Variants in GRIN2B observed in about 807,000 individuals in gnomAD.
GRIN2B encodes the protein glutamate ionotropic receptor NMDA type subunit 2B.
A neutral mutation model predicts 114.5 loss-of-function variants in GRIN2B; 5 were observed. The ratio of observed to expected loss-of-function variants is 0.04; its 90% CI spans 0.02 to 0.09. GRIN2B has a LOEUF of 0.09. Among genes scored for constraint, GRIN2B ranks in the 10% least tolerant of loss-of-function variants. The pLI is 1.00. For synonymous variants in GRIN2B, 787 were observed against 745.1 expected (o/e 1.06, Z -0.92); for missense variants, 1,108 against 1,943.5 (o/e 0.57, Z 8.08).
rs528492654 is a variant in GRIN2B at position 13,856,094 on chromosome 12, A to G, written c.411+9704T>C. On this transcript the variant is annotated intron_variant, in intron 3 of 13. Coordinates refer to ENST00000609686, the MANE Select transcript of GRIN2B (RefSeq NM_000834.5). ...GCCAAATTCTGTGAAGGTGGGAGTCAGGAAAGTGTGCACAGAAGAAACGCC... is the reference window on the plus strand; with the variant it reads ...GCCAAATTCTGTGAAGGTGGGAGTCGGGAAAGTGTGCACAGAAGAAACGCC... 2.0e-3 allele frequency among the ~76,000 whole-genome samples: 312 copies of G among 152,344 alleles called. 2 individuals are homozygous for G. Among genetic ancestry groups the G allele is most frequent in the African/African-American group, 7.2e-3 (298 of 41,598 alleles).
At chr12:13,776,841 G>A (rs1412543890) in intron 3 of GRIN2B, among the ~76,000 whole-genome samples, 1 of 152,090 alleles carries the variant, frequency 6.6e-6, no homozygotes, top group African/African-American at 2.4e-5. Flanking sequence ...GGAGACAGGA[G>A]CCCCCAAAAC....
Position 13,547,016 on chromosome 12 carries a change from A to G in GRIN2B, c.*15767T>C, listed in dbSNP as rs1268036624. 2 of 152,200 alleles carry G rather than the reference A, an allele frequency of 1.3e-5. No homozygotes were observed. The highest frequency in any genetic ancestry group is 2.4e-5 in the African/African-American group (1 of 41,446). 9.4% of individuals were successfully genotyped at this position (152,200 alleles called of 1,614,324 possible). ...ACAAGACCTCATTTGCCTGCTTGTC[A>G]TTCTTTCTCCAACTTCCTAAGTTAA... is the stretch of plus-strand genomic sequence containing the variant. On this transcript the variant is annotated 3_prime_UTR_variant, in exon 14 of 14. Coordinates refer to ENST00000609686, the MANE Select transcript of GRIN2B (RefSeq NM_000834.5).
At chr12:13,943,873 C>T (rs1157079668) in intron 2 of GRIN2B, among the ~76,000 whole-genome samples, 1 of 152,128 alleles carries the variant, frequency 6.6e-6, no homozygotes, top group African/African-American at 2.4e-5. Flanking sequence ...ATTGTCTTTC[C>T]CATTACGATG....
intron 2 of GRIN2B, among the ~76,000 whole-genome samples, chr12:13,956,731 TA>T (rs1867599293): frequency 6.6e-6 from 1 of 152,126 alleles, no homozygotes; most frequent in African/African-American, 2.4e-5. Context: ...CCTGTAAACA[TA>T]TTCACGGCAA....
rs891058421 is a variant in GRIN2B, at chr12:13,898,043, C to T, written c.-18-31817G>A. Among the ~76,000 whole-genome samples the T allele has an allele frequency of 5.1e-4, 76 of 149,404 alleles. 1 individual carries two copies. The highest frequency in any genetic ancestry group is 5.0e-3 in the Admixed American group (74 of 14,806). On this transcript the variant is annotated intron_variant, in intron 2 of 13. Coordinates refer to ENST00000609686, the MANE Select transcript of GRIN2B (RefSeq NM_000834.5). ...AAATAAATAAAAAAGAAAGGGCTAC[C>T]TTTATACAGCACTAGCTCTATCAAC...
intron 5 of GRIN2B, among the ~76,000 whole-genome samples, chr12:13,664,716 T>A (rs556988624): frequency 1.3e-5 from 2 of 152,182 alleles, no homozygotes; most frequent in Non-Finnish European, 2.9e-5. Flanking sequence ...GTTTAATTTA[T>A]CTCATTTTAT....
At chr12:13,708,751 G>A (rs938695513) in intron 4 of GRIN2B, among the ~76,000 whole-genome samples, 15 of 151,968 alleles carry the variant, frequency 9.9e-5, no homozygotes, top group Non-Finnish European at 1.9e-4. Context: ...GACAGGTATC[G>A]GTAATTCTAA....
Position 13,543,552 on chromosome 12 carries a change from A to G in GRIN2B, c.*19231T>C, listed in dbSNP as rs2136380348. On this transcript the variant is annotated 3_prime_UTR_variant, in exon 14 of 14. Coordinates refer to ENST00000609686, the MANE Select transcript of GRIN2B (RefSeq NM_000834.5). ...CCAATCTAACTTGCCACCCTGTTTA[A>G]GCAGCTGAAGGTGACTGAAGAAAAC... 6.6e-6 allele frequency: 1 copy of G among 152,312 alleles called. No homozygotes were observed. Among genetic ancestry groups the G allele is most frequent in the South Asian group, 2.1e-4 (1 of 4,822 alleles). The allele number at this position is 152,312 out of a possible 1,614,324, so 9.4% of individuals were successfully genotyped here. A position where few individuals can be genotyped will look rare whatever the true frequency, so the allele number is the denominator to read the frequency against.
At chr12:13,782,403 T>A (rs1713581271) in intron 3 of GRIN2B, among the ~76,000 whole-genome samples, 1 of 152,194 alleles carries the variant, frequency 6.6e-6, no homozygotes. Context: ...CAGCAGCTTG[T>A]GAGCAAATCT....
rs551417177 is a variant in GRIN2B at position 13,684,055 on chromosome 12, A to T, written c.1011-8196T>A. Reference sequence around the variant, plus strand: ...CTACCAGTTCAGTATATTCTCTCTCATTCCTATAACATCCAAAACTATTAA... The same window carrying T: ...CTACCAGTTCAGTATATTCTCTCTCTTTCCTATAACATCCAAAACTATTAA... On this transcript the variant is annotated intron_variant, in intron 4 of 13. Transcript: ENST00000609686. Among the ~76,000 whole-genome samples, 9 of 152,086 alleles carry T rather than the reference A, an allele frequency of 5.9e-5. No individual in the cohort carries two copies. In the East Asian group the frequency reaches 1.7e-3, roughly 29 times the overall value.
At chr12:13,878,814 C>T (rs535600857) in intron 2 of GRIN2B, among the ~76,000 whole-genome samples, 1 of 152,092 alleles carries the variant, frequency 6.6e-6, no homozygotes, top group African/African-American at 2.4e-5. Flanking sequence ...GAACAACCGT[C>T]GGGAGCCAGC....
chr12:13,864,222 C>T (rs908374758), intron 3 of GRIN2B, among the ~76,000 whole-genome samples: 3 of 152,194 alleles, frequency 2.0e-5, no homozygotes, highest in Non-Finnish European at 4.4e-5. Flanking sequence ...CTTTCCTAGA[C>T]TGAAGGGAAG....
chr12:13,928,381 C>T (rs1398478102), intron 2 of GRIN2B, among the ~76,000 whole-genome samples: 4 of 151,606 alleles, frequency 2.6e-5, no homozygotes, highest in African/African-American at 9.7e-5. Context: ...AAGAGATTCA[C>T]TGCTTTAAAT....
At chr12:13,566,614 CT>C (rs1185672977) in intron 13 of GRIN2B, among the ~76,000 whole-genome samples, 1 of 152,230 alleles carries the variant, frequency 6.6e-6, no homozygotes, top group East Asian at 1.9e-4. Flanking sequence ...AATAATATAC[CT>C]TTGTATGTTA....
chr12:13,902,190 C>G (rs1052839957), intron 2 of GRIN2B, among the ~76,000 whole-genome samples: 1 of 151,862 alleles, frequency 6.6e-6, no homozygotes, highest in African/African-American at 2.4e-5. Context: ...AGCAATTTTT[C>G]CCATCGTATT....
intron 3 of GRIN2B, among the ~76,000 whole-genome samples, chr12:13,798,569 G>C (rs893763344): frequency 1.3e-5 from 2 of 152,058 alleles, no homozygotes; most frequent in Non-Finnish European, 2.9e-5. Flanking sequence ...TGTTTGATAT[G>C]CTTATTATCA....
chr12:13,571,173 C>T (rs946231410), intron 11 of GRIN2B, among the ~76,000 whole-genome samples: 3 of 152,198 alleles, frequency 2.0e-5, no homozygotes, highest in African/African-American at 7.2e-5. Context: ...GACCCCTTGA[C>T]CTCCAAATCC....
chr12:13,916,757 G>GTGTGTGTGTGTA (rs1217628345), intron 2 of GRIN2B, among the ~76,000 whole-genome samples: 2 of 149,314 alleles, frequency 1.3e-5, no homozygotes, highest in African/African-American at 4.9e-5. Flanking sequence ...GTGTGTGTGT[G>GTGTGTGTGTGTA]TGTATTTTAA....
chr12:13,745,684 G>A (rs902576721), intron 4 of GRIN2B, among the ~76,000 whole-genome samples: 3 of 152,228 alleles, frequency 2.0e-5, no homozygotes, highest in Admixed American at 1.3e-4. Context: ...TGGATTAGAT[G>A]AGCACTAAAG....
Sources: gnomAD v4.1 joint callset for allele counts (sites outside exome capture counted in the v4.1 genomes callset) on GRCh38, gnomAD v4.1.1 for gene constraint, MANE v1.5 for transcripts, NCBI Gene and HGNC (gene_info 2026-07-23, HGNC 2026-07-21) for gene names.